Variants in DAP3 observed in about 807,000 individuals in gnomAD.
The protein encoded by DAP3 is death associated protein 3, also known as small ribosomal subunit protein mS29.
Under a neutral mutation model 51.9 loss-of-function variants are expected in DAP3, and 28 were observed. The observed-to-expected ratio is 0.54, with a 90% CI of 0.40 to 0.74. DAP3 has a LOEUF of 0.74. DAP3 is among the 30% of genes least tolerant of loss of function. The probability of loss-of-function intolerance (pLI) is 0.00; values close to 1 mark genes in which losing one functional copy is unlikely to be tolerated. For missense variants in DAP3, 458 were observed against 483.5 expected (o/e 0.95, Z 0.49); for synonymous variants, 170 against 170.3 (o/e 1.00, Z 0.01).
chr1:155,703,631 G>C (rs184523136), intron 1 of DAP3, among the ~76,000 whole-genome samples: 16 of 152,138 alleles, frequency 1.1e-4, no homozygotes, highest in Non-Finnish European at 1.9e-4. Flanking sequence ...TCTGCCTCCC[G>C]GGCTCAAGCA....
intron 1 of DAP3, among the ~76,000 whole-genome samples, chr1:155,702,789 C>T (rs965049810): frequency 2.6e-5 from 4 of 151,918 alleles, no homozygotes; most frequent in South Asian, 2.1e-4. Context: ...GCCAAGATGG[C>T]GAAACTCCGT....
intron 2 of DAP3, among the ~76,000 whole-genome samples, chr1:155,716,049 C>G (rs1657293359): frequency 6.6e-6 from 1 of 152,196 alleles, no homozygotes; most frequent in African/African-American, 2.4e-5. Context: ...GTTTTGACAA[C>G]CATTCATCGC....
intron 1 of DAP3, among the ~76,000 whole-genome samples, chr1:155,693,430 A>G (rs1654117750): frequency 1.4e-5 from 2 of 141,788 alleles, no homozygotes; most frequent in South Asian, 2.1e-4. Flanking sequence ...TTCAGGGCCT[A>G]TTATTGGATT....
chr1:155,703,999 A>G (rs1004601651), intron 1 of DAP3, among the ~76,000 whole-genome samples: 4 of 152,192 alleles, frequency 2.6e-5, no homozygotes, highest in Non-Finnish European at 4.4e-5. Flanking sequence ...ATAAAAAATT[A>G]GCCACCAGGT....
intron 6 of DAP3, 190 bp downstream of exon 6, chr1:155,726,209 G>A: frequency 2.5e-6 from 1 of 400,030 alleles, no homozygotes; most frequent in Middle Eastern, 7.2e-4. Flanking sequence ...CGCCTCCCAG[G>A]CTCAAGAGAT....
intron 1 of DAP3, among the ~76,000 whole-genome samples, chr1:155,693,827 G>T (rs1249689983): frequency 7.1e-6 from 1 of 141,350 alleles, no homozygotes; most frequent in Non-Finnish European, 1.5e-5. Context: ...AGGGTGTGGT[G>T]GCACATGCCT....
intron 1 of DAP3, among the ~76,000 whole-genome samples, chr1:155,697,720 G>T (rs1654713161): frequency 6.6e-6 from 1 of 152,132 alleles, no homozygotes. Context: ...GGGCACATTG[G>T]ACGTTGATAT....
rs1653845618 is a variant in DAP3 at position 155,691,776 on chromosome 1, T to G, written c.-8+2602T>G. 2.1e-5 allele frequency among the ~76,000 whole-genome samples: 3 copies of G among 141,882 alleles called. 1 individual carries two copies. Among genetic ancestry groups the G allele is most frequent in the African/African-American group, 9.6e-5 (3 of 31,346 alleles). 93.1% of individuals were successfully genotyped at this position (141,882 alleles called of 152,430 possible). ...TATCAGTTCTTTTGAATTTCATCAT[T>G]CTAGTGGGTGTGAAGTGTATCTCAT... On this transcript the variant is annotated intron_variant, in intron 1 of 12. Transcript: ENST00000368336.
At chr1:155,722,803 A>T (rs1658156106) in intron 4 of DAP3, among the ~76,000 whole-genome samples, 1 of 152,194 alleles carries the variant, frequency 6.6e-6, no homozygotes, top group South Asian at 2.1e-4. Flanking sequence ...GTCTCCAAAA[A>T]ACAATTTTAA....
At chr1:155,728,969 T>G in intron 7 of DAP3, 73 bp from the exon 8 acceptor site, 1 of 1,492,598 alleles carries the variant, frequency 6.7e-7, no homozygotes, top group Non-Finnish European at 9.2e-7. Context: ...GCCTCCAACC[T>G]TTTCAAGGGA....
intron 10 of DAP3, 73 bp from the exon 11 acceptor site, chr1:155,731,871 A>T: frequency 4.1e-6 from 6 of 1,455,140 alleles, no homozygotes; most frequent in Non-Finnish European, 4.6e-6. Context: ...GAAAAAAAAA[A>T]TCTACAGATG....
At chr1:155,709,997 A>G in intron 2 of DAP3, 173 bp downstream of exon 2, 1 of 515,900 alleles carries the variant, frequency 1.9e-6, no homozygotes. Context: ...GAGAATTAAT[A>G]TTTTTCCAGA....
intron 9 of DAP3, among the ~76,000 whole-genome samples, chr1:155,730,963 T>C (rs1455722932): frequency 6.6e-6 from 1 of 152,052 alleles, no homozygotes; most frequent in African/African-American, 2.4e-5. Context: ...TATGTCTTAG[T>C]TGAGGGTTTT....
At chr1:155,734,742 C>T (rs1394995391) in intron 11 of DAP3, among the ~76,000 whole-genome samples, 3 of 152,034 alleles carry the variant, frequency 2.0e-5, no homozygotes, top group African/African-American at 7.2e-5. Flanking sequence ...GAACCATATG[C>T]ATATACATGT....
Position 155,717,270 on chromosome 1 carries a change from A to T in DAP3, c.168+142A>T, listed in dbSNP as rs191454271. 1,597 of 1,325,460 alleles carry T rather than the reference A, an allele frequency of 1.2e-3. 9 individuals carry two copies. The African/African-American group carries it at 0.021, about 17-fold the overall frequency. The allele number at this position is 1,325,460 out of a possible 1,614,324, so 82.1% of individuals were successfully genotyped here. The stretch of plus-strand genomic sequence containing the variant: ...TAGTGCACCTGAGATAGCACTCTGG[A>T]ACCCAGATTCTCCCTGTCCCTGTCT... On this transcript the variant is annotated intron_variant, in intron 3 of 12. Transcript: ENST00000368336.
intron 6 of DAP3, among the ~76,000 whole-genome samples, chr1:155,726,641 G>A (rs1231088930): frequency 6.6e-6 from 1 of 151,842 alleles, no homozygotes; most frequent in Non-Finnish European, 1.5e-5. Flanking sequence ...AAAAGCCTTT[G>A]CCAGTCACGA....
intron 1 of DAP3, among the ~76,000 whole-genome samples, chr1:155,701,711 G>A (rs1163346222): frequency 1.4e-5 from 2 of 146,620 alleles, no homozygotes; most frequent in Non-Finnish European, 3.0e-5. Context: ...AAAAGAAAAT[G>A]ATCAAAACAA....
At position 155,727,593 on chromosome 1, in the gene DAP3, CTCTT is replaced by C; in HGVS notation, c.473-13_473-10del. 6.2e-7 allele frequency: 1 copy of C among 1,607,892 alleles called. No individual in the cohort carries two copies. The highest frequency in any genetic ancestry group is 8.5e-7 in the Non-Finnish European group (1 of 1,177,346). On this transcript the variant is annotated splice_polypyrimidine_tract_variant and intron_variant, in intron 6 of 12. Transcript: ENST00000368336. ...TTCTGCCTGGCTTGTTTTCTTCTGC[CTCTT>C]TTTTTTAAAGCTCATCTTTGGGTGA...
At chr1:155,726,068 T>TTA in intron 6 of DAP3, 49 bp downstream of exon 6, 1 of 1,470,952 alleles carries the variant, frequency 6.8e-7, no homozygotes, top group Non-Finnish European at 9.4e-7. Flanking sequence ...AGTTATCCTG[T>TTA]TACTGTGGTA....
Sources: allele counts gnomAD v4.1 joint callset (sites outside exome capture counted in the v4.1 genomes callset), GRCh38; gene constraint gnomAD v4.1.1; transcripts MANE v1.5; gene names NCBI Gene and HGNC (gene_info 2026-07-23, HGNC 2026-07-21).